The following CNIH1 variants were observed in gnomAD, a reference collection of about 807,000 sequenced individuals.
CNIH1 encodes the protein cornichon family member 1.
A neutral mutation model predicts 20.2 loss-of-function variants in CNIH1; 12 were observed. The observed-to-expected ratio is 0.59, with a 90% CI of 0.38 to 0.96. The LOEUF (loss-of-function observed/expected upper bound fraction) is 0.96. Among genes scored for constraint, CNIH1 ranks in the 40% least tolerant of loss-of-function variants. CNIH1 has a pLI of 0.00. For synonymous variants in CNIH1, 69 were observed against 63.3 expected (o/e 1.09, Z -0.43); for missense variants, 152 against 178.8 (o/e 0.85, Z 0.85).
intron 4 of CNIH1, 48 bp downstream of exon 4, chr14:54,430,213 T>C: frequency 6.3e-7 from 1 of 1,595,554 alleles, no homozygotes; most frequent in East Asian, 2.2e-5. Flanking sequence ...CTGCAAACTT[T>C]TAAAGCAGCA....
At chr14:54,439,979 G>A (rs1418625619) in intron 1 of CNIH1, among the ~76,000 whole-genome samples, 6 of 152,208 alleles carry the variant, frequency 3.9e-5, no homozygotes, top group Non-Finnish European at 7.3e-5. Context: ...CTACTGACAA[G>A]CATTCTGAGG....
rs914544204 is a variant in CNIH1 at position 54,436,234 on chromosome 14, A to AT, written c.150+134dup. 2.8e-5 allele frequency: 20 copies of AT among 701,852 alleles called. No homozygotes were observed. The Admixed American group carries it at 4.2e-4, about 15-fold the overall frequency. The allele number at this position is 701,852 out of a possible 1,614,324, so 43.5% of individuals were successfully genotyped here. On this transcript the variant is annotated intron_variant, in intron 2 of 4. Transcript: ENST00000216416. ...AGTCAAGCACGACAGGAAAAAGAAG[A>AT]TTTTTTAAATTCTGCCTACTTCAAA... is the stretch of plus-strand genomic sequence containing the variant.
intron 4 of CNIH1, among the ~76,000 whole-genome samples, chr14:54,429,087 T>C (rs2030881634): frequency 6.6e-6 from 1 of 151,712 alleles, no homozygotes; most frequent in East Asian, 1.9e-4. Context: ...AATGAGAAAG[T>C]ATTTTATATA....
At chr14:54,432,423 G>A (rs1483378699) in intron 2 of CNIH1, among the ~76,000 whole-genome samples, 1 of 152,136 alleles carries the variant, frequency 6.6e-6, no homozygotes, top group African/African-American at 2.4e-5. Flanking sequence ...AGAGCATATA[G>A]CTTGCACTAA....
rs953660659 is a variant in CNIH1 at position 54,424,634 on chromosome 14, T to G, written c.*3180A>C. ...TGCTGGTTTCAAAGCACATACAACT[T>G]TATTTCCTTTCTATGTAAATATTTG... On this transcript the variant is annotated 3_prime_UTR_variant, in exon 5 of 5. Coordinates refer to ENST00000216416, the MANE Select transcript of CNIH1 (RefSeq NM_005776.3). 3.3e-5 allele frequency: 5 copies of G among 152,222 alleles called. No individual in the cohort carries two copies. Among genetic ancestry groups the G allele is most frequent in the African/African-American group, 9.6e-5 (4 of 41,456 alleles). The allele number at this position is 152,222 out of a possible 1,614,324, so 9.4% of individuals were successfully genotyped here. A position where few individuals can be genotyped will look rare whatever the true frequency, so the allele number is the denominator to read the frequency against.
intron 1 of CNIH1, chr14:54,436,914 C>T (rs2031066478): frequency 3.0e-6 from 1 of 337,586 alleles, no homozygotes; most frequent in Admixed American, 4.6e-5. Flanking sequence ...TGGCTTTTCT[C>T]ACCCTGGAGT....
In CNIH1 at chr14:54,427,669, A is replaced by G. The variant is rs2030852391; in HGVS notation, c.*145T>C. ...GTCTTTCCACAAGCAAAAATGTGGAAACATTTAAAAAATAAGGAGTCATTT... is the reference window on the plus strand; with the variant it reads ...GTCTTTCCACAAGCAAAAATGTGGAGACATTTAAAAAATAAGGAGTCATTT... On this transcript the variant is annotated 3_prime_UTR_variant, in exon 5 of 5. Transcript: ENST00000216416. The G allele has an allele frequency of 6.3e-6, 5 of 797,152 alleles. No homozygotes were observed. Among genetic ancestry groups the G allele is most frequent in the Non-Finnish European group, 4.1e-6 (2 of 489,300 alleles). The allele number at this position is 797,152 out of a possible 1,614,324, so 49.4% of individuals were successfully genotyped here. A position where few individuals can be genotyped will look rare whatever the true frequency, so the allele number is the denominator to read the frequency against.
At chr14:54,431,500 GTA>G (rs2140001671) in intron 3 of CNIH1, among the ~76,000 whole-genome samples, 1 of 152,210 alleles carries the variant, frequency 6.6e-6, no homozygotes, top group South Asian at 2.1e-4. Context: ...TACTTCTTCA[GTA>G]TATGTCTCCT....
In CNIH1 at chr14:54,432,200, G is replaced by A; in HGVS notation, c.171C>T (p.Leu57=). 6.4e-7 allele frequency: 1 copy of A among 1,550,504 alleles called. No homozygotes were observed. The change falls in exon 3 of 5, where the codon CTC becomes CTT. Residue 57 remains leucine (L), a synonymous_variant. Transcript: ENST00000216416. ...ACATGACACAGAAGAAAGCGTGGAT[G>A]AGGTACTCTGGGAGTACAAGCTGGA... The part of the protein sequence containing the change: ...TLNPLVLPEY[L]IHAFFCVMFL...
At chr14:54,432,497 T>C (rs1483558793) in intron 2 of CNIH1, among the ~76,000 whole-genome samples, 2 of 152,208 alleles carry the variant, frequency 1.3e-5, no homozygotes, top group Admixed American at 1.3e-4. Context: ...TCAAATTATA[T>C]AAAGTTACCA....
intron 2 of CNIH1, among the ~76,000 whole-genome samples, chr14:54,434,544 G>T (rs925728800): frequency 6.6e-6 from 1 of 152,126 alleles, no homozygotes; most frequent in African/African-American, 2.4e-5. Context: ...CTATTCATGA[G>T]ATAACAATTT....
At chr14:54,434,732 C>T (rs1324641070) in intron 2 of CNIH1, among the ~76,000 whole-genome samples, 2 of 152,260 alleles carry the variant, frequency 1.3e-5, no homozygotes, top group East Asian at 3.9e-4. Flanking sequence ...AAACAGCTAT[C>T]AAAAGGGGAA....
In CNIH1 at chr14:54,424,027, A is replaced by T. The variant is rs2030779460; in HGVS notation, c.*3787T>A. 1 of 152,236 alleles carries T rather than the reference A, an allele frequency of 6.6e-6. No individual in the cohort carries two copies. Among genetic ancestry groups the T allele is most frequent in the Admixed American group, 6.5e-5 (1 of 15,278 alleles). The allele number at this position is 152,236 out of a possible 1,614,324, so 9.4% of individuals were successfully genotyped here. On this transcript the variant is annotated 3_prime_UTR_variant, in exon 5 of 5. Coordinates refer to ENST00000216416, the MANE Select transcript of CNIH1 (RefSeq NM_005776.3). ...CTTTGGAACTTTGAATTTCAAAGTA[A>T]AATTGTTATAAGAAAGCTAGTCAAT...
Position 54,425,947 on chromosome 14 carries a change from C to T in CNIH1, c.*1867G>A, listed in dbSNP as rs2030819518. On this transcript the variant is annotated 3_prime_UTR_variant, in exon 5 of 5. Transcript: ENST00000216416. ...TTTGACAGGAATACTCAAGTAACAG[C>T]CCCAGGAAACCCATCTGGATTATAG... 6.6e-6 allele frequency: 1 copy of T among 152,118 alleles called. No homozygotes were observed. Among genetic ancestry groups the T allele is most frequent in the Non-Finnish European group, 1.5e-5 (1 of 68,020 alleles). 9.4% of individuals were successfully genotyped at this position (152,118 alleles called of 1,614,324 possible).
In CNIH1 at chr14:54,427,541, A is replaced by G. The variant is rs2030849616; in HGVS notation, c.*273T>C. ...TTCAGAGGATTATGGCTGTTCCTTA[A>G]GAAGTGCAAGTTCAAACCTGTCAAC... On this transcript the variant is annotated 3_prime_UTR_variant, in exon 5 of 5. Transcript: ENST00000216416. 1 of 446,294 alleles carries G rather than the reference A, an allele frequency of 2.2e-6. No individual in the cohort carries two copies. The highest frequency in any genetic ancestry group is 4.0e-6 in the Non-Finnish European group (1 of 251,752). 27.6% of individuals were successfully genotyped at this position (446,294 alleles called of 1,614,324 possible). A position where few individuals can be genotyped will look rare whatever the true frequency, so the allele number is the denominator to read the frequency against.
At chr14:54,438,311 G>T (rs548332812) in intron 1 of CNIH1, among the ~76,000 whole-genome samples, 3 of 152,234 alleles carry the variant, frequency 2.0e-5, no homozygotes, top group African/African-American at 7.2e-5. Context: ...TGTTGAATGG[G>T]TTTCTCTTTG....
At chr14:54,439,690 C>T (rs1339180169) in intron 1 of CNIH1, among the ~76,000 whole-genome samples, 1 of 152,068 alleles carries the variant, frequency 6.6e-6, no homozygotes, top group African/African-American at 2.4e-5. Context: ...GCTGGGATTA[C>T]AGGCGCCCAC....
At chr14:54,440,911 C>A (rs1205069246) in intron 1 of CNIH1, among the ~76,000 whole-genome samples, 1 of 152,150 alleles carries the variant, frequency 6.6e-6, no homozygotes, top group African/African-American at 2.4e-5. Flanking sequence ...ACATCCTCCC[C>A]GGGAATGCAG....
intron 1 of CNIH1, among the ~76,000 whole-genome samples, chr14:54,440,937 G>A (rs61985936): frequency 0.066 from 10,043 of 152,096 alleles, 563 homozygotes; most frequent in East Asian, 0.28. Flanking sequence ...CGGGCCGGCA[G>A]AGGTCGGTGC....
Sources: allele counts gnomAD v4.1 joint callset (sites outside exome capture counted in the v4.1 genomes callset), GRCh38; gene constraint gnomAD v4.1.1; transcripts MANE v1.5; gene names NCBI Gene and HGNC (gene_info 2026-07-23, HGNC 2026-07-21).